The following ESRRG variants were observed in gnomAD, a reference collection of about 807,000 sequenced individuals.
ESRRG encodes estrogen related receptor gamma, also known as estrogen-related receptor gamma.
Under a neutral mutation model 44.0 loss-of-function variants are expected in ESRRG, and 13 were observed. The observed-to-expected ratio is 0.30, with a 90% confidence interval of 0.19 to 0.47. The LOEUF (loss-of-function observed/expected upper bound fraction) is 0.47. Ranked by LOEUF, ESRRG falls within the 20% of genes least tolerant of loss-of-function variation. ESRRG has a pLI of 1.00. For synonymous variants in ESRRG, 215 were observed against 214.6 expected (o/e 1.00, Z -0.02); for missense variants, 395 against 580.6 (o/e 0.68, Z 3.29).
intron 1 of ESRRG, among the ~76,000 whole-genome samples, chr1:216,994,553 G>A (rs1334502586): frequency 2.0e-5 from 3 of 151,982 alleles, no homozygotes; most frequent in Non-Finnish European, 4.4e-5. Context: ...CCTTGTATTT[G>A]ACAACACTCA....
At chr1:216,898,675 C>T (rs2058709910) in intron 2 of ESRRG, among the ~76,000 whole-genome samples, 1 of 151,976 alleles carries the variant, frequency 6.6e-6, no homozygotes, top group African/African-American at 2.4e-5. Flanking sequence ...CACCATTGGC[C>T]AAGAGGTAGT....
chr1:216,784,378 A>G (rs2094046485), intron 2 of ESRRG, among the ~76,000 whole-genome samples: 1 of 152,082 alleles, frequency 6.6e-6, no homozygotes, highest in Non-Finnish European at 1.5e-5. Context: ...CTCCATAGTA[A>G]TTCTCTATCT....
chr1:216,837,720 T>C (rs1053473829), intron 2 of ESRRG, among the ~76,000 whole-genome samples: 1 of 152,172 alleles, frequency 6.6e-6, no homozygotes, highest in Non-Finnish European at 1.5e-5. Flanking sequence ...GACCACAGCT[T>C]ACAGTGCCAT....
chr1:216,945,940 T>C (rs2065988147), intron 1 of ESRRG, among the ~76,000 whole-genome samples: 1 of 152,134 alleles, frequency 6.6e-6, no homozygotes, highest in South Asian at 2.1e-4. Context: ...TCAATAGAGA[T>C]GGTTGGCAGG....
At chr1:216,821,689 A>AAAAAAAT (rs1484177945) in intron 2 of ESRRG, among the ~76,000 whole-genome samples, 4 of 113,112 alleles carry the variant, frequency 3.5e-5, no homozygotes, top group Admixed American at 9.5e-5. Flanking sequence ...TGCCTCAGGA[A>AAAAAAAT]AAATAAATAA....
At chr1:216,941,259 T>C (rs2149966125) in intron 1 of ESRRG, among the ~76,000 whole-genome samples, 1 of 152,312 alleles carries the variant, frequency 6.6e-6, no homozygotes, top group Middle Eastern at 3.4e-3. Flanking sequence ...ATTTAGGTTG[T>C]TGCTTTTTTA....
At chr1:216,992,474 A>G (rs2075856145) in intron 1 of ESRRG, among the ~76,000 whole-genome samples, 1 of 152,186 alleles carries the variant, frequency 6.6e-6, no homozygotes, top group South Asian at 2.1e-4. Context: ...ATTTTATTTT[A>G]CATTGTTTTG....
intron 2 of ESRRG, among the ~76,000 whole-genome samples, chr1:216,772,723 C>T (rs1015076697): frequency 6.6e-6 from 1 of 151,850 alleles, no homozygotes; most frequent in Admixed American, 6.6e-5. Context: ...TTGTTTTTCA[C>T]TTAACAACCC....
intron 2 of ESRRG, among the ~76,000 whole-genome samples, chr1:216,758,808 T>G (rs2092607602): frequency 6.6e-6 from 1 of 152,048 alleles, no homozygotes; most frequent in African/African-American, 2.4e-5. Flanking sequence ...CAAAAGAGTC[T>G]GATTACCCCC....
chr1:216,748,797 C>T (rs993650520), intron 2 of ESRRG, among the ~76,000 whole-genome samples: 4 of 152,124 alleles, frequency 2.6e-5, no homozygotes, highest in Admixed American at 6.6e-5. Flanking sequence ...AGCAAGTTCA[C>T]ATCTGAGTGC....
intron 2 of ESRRG, among the ~76,000 whole-genome samples, chr1:216,838,324 T>C (rs927828116): frequency 1.3e-5 from 2 of 152,192 alleles, no homozygotes; most frequent in African/African-American, 4.8e-5. Context: ...AGTTGGTTTT[T>C]CAGTCTATAA....
At chr1:217,020,095 C>T (rs1224321009) in intron 1 of ESRRG, among the ~76,000 whole-genome samples, 2 of 152,162 alleles carry the variant, frequency 1.3e-5, no homozygotes, top group Admixed American at 6.5e-5. Context: ...TCCCTTTCCT[C>T]CTCTTCCCTG....
intron 2 of ESRRG, among the ~76,000 whole-genome samples, chr1:216,818,773 C>T (rs2095220428): frequency 6.6e-6 from 1 of 152,094 alleles, no homozygotes; most frequent in African/African-American, 2.4e-5. Context: ...TCCTCCCTTC[C>T]ACCTACCGCA....
intron 3 of ESRRG, among the ~76,000 whole-genome samples, chr1:216,576,116 C>A (rs2149732235): frequency 6.6e-6 from 1 of 152,178 alleles, no homozygotes; most frequent in East Asian, 1.9e-4. Flanking sequence ...GGAGGCAGAG[C>A]CACCTTCCAG....
Position 216,731,787 on chromosome 1 carries a change from G to T in ESRRG, c.-13-54296C>A, listed in dbSNP as rs2088830394. Among the ~76,000 whole-genome samples the T allele has an allele frequency of 2.0e-5, 3 of 152,224 alleles. No individual in the cohort carries two copies. The South Asian group carries it at 6.2e-4, about 32-fold the overall frequency. ...CTCAGGACATTGAAATCCTGGGGCTGTTATCTCACCTACAGTTTGTAACTA... is the reference window on the plus strand; with the variant it reads ...CTCAGGACATTGAAATCCTGGGGCTTTTATCTCACCTACAGTTTGTAACTA... On this transcript the variant is annotated intron_variant, in intron 2 of 7. Coordinates refer to the ESRRG transcript ENST00000359162.
At chr1:216,940,905 T>C (rs983917091) in intron 1 of ESRRG, among the ~76,000 whole-genome samples, 1 of 152,206 alleles carries the variant, frequency 6.6e-6, no homozygotes, top group Admixed American at 6.5e-5. Context: ...ATTTGAATAC[T>C]AGAAAACAAA....
chr1:216,527,714 A>C (rs1015624187), intron 5 of ESRRG, among the ~76,000 whole-genome samples: 4 of 152,154 alleles, frequency 2.6e-5, no homozygotes, highest in Non-Finnish European at 5.9e-5. Flanking sequence ...ATGTGAAATC[A>C]TTCTCAAATA....
intron 3 of ESRRG, among the ~76,000 whole-genome samples, chr1:216,599,050 A>G (rs190194456): frequency 6.6e-6 from 1 of 152,322 alleles, no homozygotes; most frequent in African/African-American, 2.4e-5. Flanking sequence ...TGGTACATGT[A>G]GTTAAAAAAG....
chr1:216,598,523 A>G (rs961946393), intron 3 of ESRRG, among the ~76,000 whole-genome samples: 1 of 152,214 alleles, frequency 6.6e-6, no homozygotes, highest in Admixed American at 6.5e-5. Context: ...AGCAACAATG[A>G]GCAGGGAATT....
Sources: allele counts gnomAD v4.1 joint callset (sites outside exome capture counted in the v4.1 genomes callset), GRCh38; gene constraint gnomAD v4.1.1; transcripts MANE v1.5; gene names NCBI Gene and HGNC (gene_info 2026-07-23, HGNC 2026-07-21).